The following ITGA8 variants were observed in gnomAD, a reference collection of about 807,000 sequenced individuals.
ITGA8 encodes the protein integrin subunit alpha 8, also known as integrin alpha-8.
In ITGA8, 91 loss-of-function variants were observed where a neutral mutation model predicts 142.3. The observed-to-expected ratio is 0.64, with a 90% CI of 0.54 to 0.76. The LOEUF is 0.76. ITGA8 is among the 30% of genes least tolerant of loss of function. The probability of loss-of-function intolerance (pLI) is 0.00; values close to 1 mark genes in which losing one functional copy is unlikely to be tolerated. For missense variants in ITGA8, 1,406 were observed against 1,327.7 expected, an observed-to-expected ratio of 1.06 and a Z score of -0.92; for synonymous variants, 505 against 485.2, an observed-to-expected ratio of 1.04 and a Z score of -0.54.
intron 25 of ITGA8, among the ~76,000 whole-genome samples, chr10:15,561,485 A>T (rs1833980328): frequency 6.6e-6 from 1 of 152,162 alleles, no homozygotes; most frequent in African/African-American, 2.4e-5. Context: ...AAGTAGAGAT[A>T]GCAAGCACAG....
intron 2 of ITGA8, among the ~76,000 whole-genome samples, chr10:15,690,770 C>G (rs1377325713): frequency 6.6e-6 from 1 of 152,108 alleles, no homozygotes; most frequent in Admixed American, 6.5e-5. Context: ...CTGCTGTCAT[C>G]ACTGATGTTA....
chr10:15,632,201 C>T (rs952563949), intron 13 of ITGA8, among the ~76,000 whole-genome samples: 1 of 150,582 alleles, frequency 6.6e-6, no homozygotes. Context: ...CCTGGCTTCA[C>T]ATTTAAGGTC....
chr10:15,518,611 G>A lies in ITGA8; in HGVS notation c.3105+679C>T, dbSNP rs187878128. 3.2e-4 allele frequency among the ~76,000 whole-genome samples: 49 copies of A among 152,312 alleles called. No individual in the cohort carries two copies. In the South Asian group the frequency reaches 4.3e-3, roughly 14 times the overall value. ...TTAATTACTCTTATGTAACTGGGAC[G>A]TCATTTCCATTTGGGAATGGAAGGC... On this transcript the variant is annotated intron_variant, in intron 29 of 29. Transcript: ENST00000378076.
At chr10:15,707,578 A>G (rs1835282930) in intron 2 of ITGA8, among the ~76,000 whole-genome samples, 1 of 152,098 alleles carries the variant, frequency 6.6e-6, no homozygotes, top group Admixed American at 6.5e-5. Context: ...ATCCCAGCAC[A>G]TTGGGAGGCC....
rs1027392336 is a variant in ITGA8 at position 15,636,141 on chromosome 10, G to A, written c.1399+7889C>T. ...TCTGCCCCTCAACAAAATCTGTACC[G>A]CCCCTCCTCCACCTTCCAATGCCTG... On this transcript the variant is annotated intron_variant, in intron 13 of 29. Transcript: ENST00000378076. Among the ~76,000 whole-genome samples, 23 of 152,036 alleles carry A rather than the reference G, an allele frequency of 1.5e-4. 1 individual carries two copies. The highest frequency in any genetic ancestry group is 1.3e-3 in the Admixed American group (20 of 15,270).
chr10:15,582,367 A>G (rs1053379928), intron 23 of ITGA8, among the ~76,000 whole-genome samples: 4 of 152,238 alleles, frequency 2.6e-5, no homozygotes, highest in Admixed American at 1.3e-4. Flanking sequence ...ACAGGTGAAA[A>G]TCTTTGTGAC....
chr10:15,535,147 T>C (rs1228153338), intron 27 of ITGA8, among the ~76,000 whole-genome samples: 1 of 152,140 alleles, frequency 6.6e-6, no homozygotes, highest in East Asian at 1.9e-4. Flanking sequence ...GCTGGATTTC[T>C]CCCTGGGCCT....
At chr10:15,525,502 C>T (rs969625836) in intron 28 of ITGA8, among the ~76,000 whole-genome samples, 11 of 151,836 alleles carry the variant, frequency 7.2e-5, no homozygotes, top group Middle Eastern at 3.4e-3. Flanking sequence ...ATTAGCCAGG[C>T]GTGGTGGCAC....
chr10:15,565,573 ATTTTTTTTTTTTTTTTTTTTTT>A (rs71374633), intron 25 of ITGA8, among the ~76,000 whole-genome samples: 3 of 34,764 alleles, frequency 8.6e-5, no homozygotes, highest in African/African-American at 3.2e-4. Flanking sequence ...TCATGTCCTG[ATTTTTTTTTTTTTTTTTTTTTT>A]TTTTTTTTTT....
chr10:15,719,144 A>AG (rs933349413), intron 1 of ITGA8, among the ~76,000 whole-genome samples: 3 of 152,080 alleles, frequency 2.0e-5, no homozygotes, highest in Non-Finnish European at 4.4e-5. Flanking sequence ...AGATGAGAGA[A>AG]GGGGGTGGGG....
chr10:15,695,280 G>A (rs1221765066), intron 2 of ITGA8, among the ~76,000 whole-genome samples: 1 of 152,116 alleles, frequency 6.6e-6, no homozygotes, highest in Non-Finnish European at 1.5e-5. Context: ...GTACTGAGAC[G>A]AGTTTTTAAT....
chr10:15,604,578 C>CAA (rs35672275), intron 19 of ITGA8, among the ~76,000 whole-genome samples: 94 of 86,118 alleles, frequency 1.1e-3, no homozygotes, highest in East Asian at 3.7e-3. Context: ...AACCAGTTCT[C>CAA]AAAAAAAAAA....
chr10:15,677,444 A>C (rs956306309), intron 6 of ITGA8, 148 bp downstream of exon 6: 3 of 583,940 alleles, frequency 5.1e-6, no homozygotes, highest in African/African-American at 1.9e-5. Context: ...TATTAAAAGC[A>C]AAAAAAAGAA....
intron 13 of ITGA8, among the ~76,000 whole-genome samples, chr10:15,636,505 C>T (rs1317573402): frequency 6.6e-6 from 1 of 152,112 alleles, no homozygotes; most frequent in Non-Finnish European, 1.5e-5. Context: ...GAAAATTATT[C>T]CACACATTAT....
chr10:15,613,032 G>T (rs775829902), intron 15 of ITGA8, among the ~76,000 whole-genome samples: 1 of 152,130 alleles, frequency 6.6e-6, no homozygotes, highest in Non-Finnish European at 1.5e-5. Context: ...ATGATGGTGG[G>T]TGCCTGTAAT....
At chr10:15,532,303 C>T (rs554657133) in intron 27 of ITGA8, among the ~76,000 whole-genome samples, 7 of 151,474 alleles carry the variant, frequency 4.6e-5, no homozygotes, top group Non-Finnish European at 1.0e-4. Flanking sequence ...CCTATAATCC[C>T]AGCTACTCAG....
At chr10:15,708,967 G>C (rs374405490) in intron 2 of ITGA8, among the ~76,000 whole-genome samples, 4 of 152,122 alleles carry the variant, frequency 2.6e-5, no homozygotes, top group African/African-American at 9.7e-5. Flanking sequence ...AACCTTAGAT[G>C]CTTTAAGCCA....
chr10:15,704,230 G>A (rs554838463), intron 2 of ITGA8, among the ~76,000 whole-genome samples: 1 of 152,228 alleles, frequency 6.6e-6, no homozygotes, highest in African/African-American at 2.4e-5. Context: ...CTGTTGCTGT[G>A]ACAGCTTCCT....
intron 8 of ITGA8, among the ~76,000 whole-genome samples, chr10:15,665,529 C>G: frequency 6.6e-6 from 1 of 151,292 alleles, no homozygotes; most frequent in Non-Finnish European, 1.5e-5. Context: ...AATTAGATCC[C>G]ATTTGTCAAT....
Sources: allele counts gnomAD v4.1 joint callset (sites outside exome capture counted in the v4.1 genomes callset), GRCh38; gene constraint gnomAD v4.1.1; transcripts MANE v1.5; gene names NCBI Gene and HGNC (gene_info 2026-07-23, HGNC 2026-07-21).